Variants in ANP32A observed in about 807,000 individuals in gnomAD.
ANP32A encodes acidic leucine-rich nuclear phosphoprotein 32 family member A.
ANP32A carries 1 observed loss-of-function variant against 33.9 expected under a neutral mutation model. The ratio of observed to expected loss-of-function variants is 0.03; its 90% CI spans 0.01 to 0.14. The LOEUF is 0.14. Among genes scored for constraint, ANP32A ranks in the 10% least tolerant of loss-of-function variants. The pLI, the probability that ANP32A is intolerant of heterozygous loss-of-function variation, is 1.00. For missense variants in ANP32A, 155 were observed against 306.0 expected (o/e 0.51, Z 3.68); for synonymous variants, 115 against 120.5 (o/e 0.95, Z 0.30).
chr15:68,815,478 A>C (rs1055222777), intron 1 of ANP32A, among the ~76,000 whole-genome samples: 5 of 152,204 alleles, frequency 3.3e-5, no homozygotes, highest in African/African-American at 4.8e-5. Context: ...ATAACATTTC[A>C]AGTCATTGGG....
chr15:68,796,373 AC>A (rs201221340), intron 1 of ANP32A, among the ~76,000 whole-genome samples: 2,991 of 151,354 alleles, frequency 0.02, 107 homozygotes, highest in African/African-American at 0.064. Flanking sequence ...CCACCATCAC[AC>A]CTGGCTAATT....
chr15:68,780,589 C>G lies in ANP32A; in HGVS notation c.625-116G>C. Reference sequence around the variant, plus strand: ...ACCCCCAGCCTCTCAGAGCCCCCACCAAGACTTGACATCTCGGGAGGAATG... The same window carrying G: ...ACCCCCAGCCTCTCAGAGCCCCCACGAAGACTTGACATCTCGGGAGGAATG... On this transcript the variant is annotated intron_variant, in intron 5 of 6. Transcript: ENST00000465139. This position sits in a 1 kb window ranked among gnomAD's most constrained non-coding sequence, Gnocchi z 4.3. The G allele has an allele frequency of 1.3e-6, 2 of 1,487,006 alleles. No individual in the cohort carries two copies. The highest frequency in any genetic ancestry group is 1.8e-6 in the Non-Finnish European group (2 of 1,118,276). 92.1% of individuals were successfully genotyped at this position (1,487,006 alleles called of 1,614,324 possible). A position where few individuals can be genotyped will look rare whatever the true frequency, so the allele number is the denominator to read the frequency against.
At chr15:68,807,444 C>A (rs1894249440) in intron 1 of ANP32A, among the ~76,000 whole-genome samples, 1 of 141,796 alleles carries the variant, frequency 7.1e-6, no homozygotes, top group Non-Finnish European at 1.6e-5. Flanking sequence ...GGGGGAGTCT[C>A]TCCTTTGCCC....
At chr15:68,786,405 G>A (rs746254551) in intron 3 of ANP32A, among the ~76,000 whole-genome samples, 178 of 151,994 alleles carry the variant, frequency 1.2e-3, no homozygotes, top group Middle Eastern at 6.8e-3. Context: ...GACTACAGGC[G>A]TGTGCCACCA....
rs1893828792 is a variant in ANP32A, at chr15:68,778,969, T to C, written c.*1112A>G. The C allele has an allele frequency of 6.6e-6, 1 of 152,112 alleles. No homozygotes were observed. Among genetic ancestry groups the C allele is most frequent in the Admixed American group, 6.5e-5 (1 of 15,274 alleles). 9.4% of individuals were successfully genotyped at this position (152,112 alleles called of 1,614,324 possible). A position where few individuals can be genotyped will look rare whatever the true frequency, so the allele number is the denominator to read the frequency against. The stretch of plus-strand genomic sequence containing the variant: ...ACAGACATAAAACTCAAAGTTTGGC[T>C]CTTCTGAGGGGCAGGAGAAAAACTG... On this transcript the variant is annotated 3_prime_UTR_variant, in exon 7 of 7. Coordinates refer to ENST00000465139, the MANE Select transcript of ANP32A (RefSeq NM_006305.4).
At chr15:68,805,577 T>C (rs1894208007) in intron 1 of ANP32A, among the ~76,000 whole-genome samples, 1 of 152,214 alleles carries the variant, frequency 6.6e-6, no homozygotes, top group South Asian at 2.1e-4. Flanking sequence ...TACTTGTCCT[T>C]CTTGGGTTTA....
intron 1 of ANP32A, 33 bp from the exon 2 acceptor site, chr15:68,787,952 G>A (rs2140361172): frequency 1.9e-6 from 3 of 1,613,572 alleles, no homozygotes; most frequent in Non-Finnish European, 8.5e-7. Flanking sequence ...GAGCGGGGCT[G>A]AGGAATGGGG....
intron 1 of ANP32A, among the ~76,000 whole-genome samples, chr15:68,818,749 C>G (rs1000181224): frequency 2.0e-5 from 3 of 152,040 alleles, no homozygotes; most frequent in African/African-American, 7.2e-5. Flanking sequence ...GCGGCGACCC[C>G]GGCCCCGCGC....
chr15:68,798,259 T>C (rs544337498), intron 1 of ANP32A, among the ~76,000 whole-genome samples: 1 of 152,282 alleles, frequency 6.6e-6, no homozygotes, highest in Admixed American at 6.5e-5. Flanking sequence ...GTTAATTCAT[T>C]TCTCCAGTGT....
At chr15:68,811,976 G>T (rs1894318416) in intron 1 of ANP32A, among the ~76,000 whole-genome samples, 1 of 151,492 alleles carries the variant, frequency 6.6e-6, no homozygotes. Flanking sequence ...TGCTCTGCCT[G>T]TCTTGGCCTC....
intron 1 of ANP32A, among the ~76,000 whole-genome samples, chr15:68,788,741 C>A (rs1893964450): frequency 6.6e-6 from 1 of 152,128 alleles, no homozygotes; most frequent in Non-Finnish European, 1.5e-5. Flanking sequence ...AGAATGGAAA[C>A]CCACAAACTT....
At chr15:68,810,449 AG>A (rs1894296769) in intron 1 of ANP32A, among the ~76,000 whole-genome samples, 1 of 152,162 alleles carries the variant, frequency 6.6e-6, no homozygotes, top group African/African-American at 2.4e-5. Context: ...CAAGGGACAG[AG>A]GACATGGGTT....
At chr15:68,802,074 C>G (rs1211441457) in intron 1 of ANP32A, 3 of 152,462 alleles carry the variant, frequency 2.0e-5, no homozygotes, top group African/African-American at 7.2e-5. Context: ...GAGTCTCAAT[C>G]TGGTCCAACT....
In ANP32A at chr15:68,780,810, A is replaced by C; in HGVS notation, c.625-337T>G. ...TAAGGCAGGCAGCTCTCCAGTCTGCACATTCTCTGAGGAGAACAAGTTCCC... is the reference window on the plus strand; with the variant it reads ...TAAGGCAGGCAGCTCTCCAGTCTGCCCATTCTCTGAGGAGAACAAGTTCCC... On this transcript the variant is annotated intron_variant, in intron 5 of 6. Transcript: ENST00000465139. The surrounding 1 kb of genome is among the most constrained non-coding windows in gnomAD (Gnocchi z 4.3). The C allele has an allele frequency of 4.0e-6, 1 of 250,422 alleles. No individual in the cohort carries two copies. 15.5% of individuals were successfully genotyped at this position (250,422 alleles called of 1,614,324 possible). A position where few individuals can be genotyped will look rare whatever the true frequency, so the allele number is the denominator to read the frequency against.
chr15:68,784,351 G>C, intron 4 of ANP32A, 46 bp downstream of exon 4: 4 of 1,596,626 alleles, frequency 2.5e-6, no homozygotes, highest in Non-Finnish European at 3.4e-6. Flanking sequence ...GAGCCCCAAG[G>C]CCTCAGCTGG....
intron 4 of ANP32A, 67 bp from the exon 5 acceptor site, chr15:68,783,120 C>T: frequency 6.5e-7 from 1 of 1,544,582 alleles, no homozygotes; most frequent in Non-Finnish European, 8.7e-7. Context: ...CCACACAGCA[C>T]AGGCCCCTTG....
intron 1 of ANP32A, among the ~76,000 whole-genome samples, chr15:68,803,050 G>A (rs1894160422): frequency 6.6e-6 from 1 of 152,150 alleles, no homozygotes; most frequent in African/African-American, 2.4e-5. Context: ...ACCAGGTGCT[G>A]AGGGTACAAT....
chr15:68,805,143 C>T (rs1250689393), intron 1 of ANP32A, among the ~76,000 whole-genome samples: 1 of 152,170 alleles, frequency 6.6e-6, no homozygotes, highest in African/African-American at 2.4e-5. Flanking sequence ...CTCTCCAGCC[C>T]CCATTCAAAA....
chr15:68,786,745 T>G (rs1056613051), intron 3 of ANP32A, among the ~76,000 whole-genome samples: 2 of 152,162 alleles, frequency 1.3e-5, no homozygotes, highest in Non-Finnish European at 2.9e-5. Context: ...ACCTGCCCCT[T>G]TCTGGCTGGT....
Sources: gnomAD v4.1 joint callset for allele counts (sites outside exome capture counted in the v4.1 genomes callset) on GRCh38, gnomAD v4.1.1 for gene constraint, Gnocchi (gnomAD v3.1) non-coding constraint, MANE v1.5 for transcripts, NCBI Gene and HGNC (gene_info 2026-07-23, HGNC 2026-07-21) for gene names.